The following COBL variants were observed in gnomAD, a reference collection of about 807,000 sequenced individuals.
COBL encodes protein cordon-bleu.
In COBL, 51 loss-of-function variants were observed where a neutral mutation model predicts 98.8. That is an observed-to-expected ratio of 0.52 (90% CI 0.41 to 0.65). COBL has a LOEUF of 0.65. Ranked by LOEUF, COBL falls within the 30% of genes least tolerant of loss-of-function variation. The probability of loss-of-function intolerance (pLI) is 0.00; values close to 1 mark genes in which losing one functional copy is unlikely to be tolerated. For missense variants in COBL, 1,617 were observed against 1,617.5 expected (o/e 1.00, Z 0.01); for synonymous variants, 634 against 651.7 (o/e 0.97, Z 0.41).
At chr7:51,047,841 C>T (rs1473348616) in intron 7 of COBL, among the ~76,000 whole-genome samples, 1 of 151,878 alleles carries the variant, frequency 6.6e-6, no homozygotes, top group Non-Finnish European at 1.5e-5. Context: ...TGCTTCTGAA[C>T]TAGTGATACA....
chr7:51,041,981 G>C (rs528856367), intron 8 of COBL, among the ~76,000 whole-genome samples: 1 of 152,258 alleles, frequency 6.6e-6, no homozygotes, highest in East Asian at 1.9e-4. Flanking sequence ...CACTGGAACA[G>C]AACAACGTGC....
intron 1 of COBL, among the ~76,000 whole-genome samples, chr7:51,247,972 C>A (rs1796397275): frequency 6.6e-6 from 1 of 152,048 alleles, no homozygotes; most frequent in Non-Finnish European, 1.5e-5. Context: ...ACCCCCGTCT[C>A]TACTAAACAT....
chr7:51,161,794 G>GA (rs1786845927), intron 5 of COBL, among the ~76,000 whole-genome samples: 1 of 152,092 alleles, frequency 6.6e-6, no homozygotes, highest in African/African-American at 2.4e-5. Context: ...AAGAAGCAGG[G>GA]CCCATAAAAG....
chr7:51,119,265 T>TATATATA (rs1797541648), intron 6 of COBL, among the ~76,000 whole-genome samples: 1 of 152,140 alleles, frequency 6.6e-6, no homozygotes, highest in South Asian at 2.1e-4. Context: ...ACCATATATA[T>TATATATA]CCTAGTGATA....
chr7:51,182,187 C>T (rs751802560), intron 5 of COBL, among the ~76,000 whole-genome samples: 13 of 151,940 alleles, frequency 8.6e-5, no homozygotes, highest in Non-Finnish European at 1.8e-4. Context: ...AGGGTGAACA[C>T]AGTCCCAGCC....
chr7:51,248,066 G>A (rs1003021224), intron 1 of COBL, among the ~76,000 whole-genome samples: 2 of 151,956 alleles, frequency 1.3e-5, no homozygotes, highest in African/African-American at 2.4e-5. Context: ...CTGAGTCAGG[G>A]AGGGGGAGGC....
In COBL at chr7:51,149,902, G is replaced by A. The variant is rs181972068; in HGVS notation, c.784-13571C>T. ...AGCCTCCGAAAGTGCTGGGATTACA[G>A]GCATGAGCCACTGCAACCAGCCCAG... On this transcript the variant is annotated intron_variant, in intron 5 of 12. Coordinates refer to ENST00000265136, the MANE Select transcript of COBL (RefSeq NM_015198.5). Among the ~76,000 whole-genome samples the A allele has an allele frequency of 3.9e-5, 6 of 152,314 alleles. No individual in the cohort carries two copies. The East Asian group carries it at 7.7e-4, about 20-fold the overall frequency.
chr7:51,156,365 C>T, intron 5 of COBL: 1 of 985,332 alleles, frequency 1.0e-6, no homozygotes, highest in Non-Finnish European at 1.2e-6. Context: ...AAGCTCAGAG[C>T]CAATACTTCC....
intron 2 of COBL, among the ~76,000 whole-genome samples, chr7:51,201,287 G>C (rs1791102141): frequency 6.6e-6 from 1 of 150,720 alleles, no homozygotes; most frequent in Non-Finnish European, 1.5e-5. Flanking sequence ...AGAAAGGAGA[G>C]CAGGGGTAGC....
At chr7:51,223,599 C>T (rs1034315569) in intron 1 of COBL, among the ~76,000 whole-genome samples, 2 of 152,188 alleles carry the variant, frequency 1.3e-5, no homozygotes, top group African/African-American at 2.4e-5. Context: ...CTCCAGTTTC[C>T]AGGAAACCAA....
intron 2 of COBL, among the ~76,000 whole-genome samples, chr7:51,195,185 C>T (rs976868093): frequency 4.6e-5 from 7 of 151,962 alleles, no homozygotes; most frequent in African/African-American, 1.2e-4. Flanking sequence ...CTTGAGTTAT[C>T]TTTTGTACAT....
intron 2 of COBL, among the ~76,000 whole-genome samples, chr7:51,195,605 C>T (rs1362624422): frequency 6.6e-6 from 1 of 152,118 alleles, no homozygotes; most frequent in African/African-American, 2.4e-5. Flanking sequence ...TTGCTTTGGG[C>T]AATATGGCCA....
chr7:51,232,979 T>A (rs986813874), intron 1 of COBL, among the ~76,000 whole-genome samples: 1 of 152,194 alleles, frequency 6.6e-6, no homozygotes, highest in Admixed American at 6.5e-5. Context: ...CGTAGATAAC[T>A]ATGCAAGTGA....
intron 1 of COBL, among the ~76,000 whole-genome samples, chr7:51,240,205 T>C (rs761716179): frequency 3.9e-5 from 6 of 152,230 alleles, no homozygotes; most frequent in Non-Finnish European, 7.3e-5. Context: ...TGAGAAAATC[T>C]TGACAATGCA....
At position 51,028,695 on chromosome 7, in the gene COBL, G is replaced by A; in HGVS notation, c.2401C>T (p.Gln801Ter). The A allele has an allele frequency of 6.2e-7, 1 of 1,613,540 alleles. No homozygotes were observed. The highest frequency in any genetic ancestry group is 8.5e-7 in the Non-Finnish European group (1 of 1,179,702). The change falls in exon 10 of 13, where the codon CAG becomes TAG. Residue 801 changes from glutamine to a stop codon, truncating the protein, a stop_gained. Transcript: ENST00000265136. LOFTEE classifies it high-confidence loss of function. ...GCTTGGAGTCTGCTCTCTGGATTCT[G>A]CGTCTGCGTGGGCACAGGGGTGGAG... The part of the protein sequence containing the change: ...PPSTPVPTQT[Q>*]NPESRLQADP...
At chr7:51,284,548 G>A (rs1185574825) in intron 1 of COBL, among the ~76,000 whole-genome samples, 2 of 151,036 alleles carry the variant, frequency 1.3e-5, no homozygotes, top group African/African-American at 2.4e-5. Flanking sequence ...TAGCTATAAG[G>A]CCAGGCATGG....
In COBL at chr7:51,155,034, A is replaced by G. The variant is rs1307083783; in HGVS notation, c.784-18703T>C. Among the ~76,000 whole-genome samples the G allele has an allele frequency of 2.0e-5, 3 of 152,214 alleles. No homozygotes were observed. In the East Asian group the frequency reaches 5.8e-4, roughly 29 times the overall value. Reference sequence around the variant, plus strand: ...AGAAATAATAGCAATAATATTAATAATAAATGACTCTGTCCTCATAGAGCT... The same window carrying G: ...AGAAATAATAGCAATAATATTAATAGTAAATGACTCTGTCCTCATAGAGCT... On this transcript the variant is annotated intron_variant, in intron 5 of 12. Coordinates refer to ENST00000265136, the MANE Select transcript of COBL (RefSeq NM_015198.5).
Position 51,269,159 on chromosome 7 carries a change from C to T in COBL, c.41+47434G>A, listed in dbSNP as rs189016467. On this transcript the variant is annotated intron_variant, in intron 1 of 12. Coordinates refer to ENST00000265136, the MANE Select transcript of COBL (RefSeq NM_015198.5). ...GAGTGCTTCTGTGTCCAAATTGCAGCCCCCCACCAAGCCTCAGAACTGCTG... is the reference window on the plus strand; with the variant it reads ...GAGTGCTTCTGTGTCCAAATTGCAGTCCCCCACCAAGCCTCAGAACTGCTG... Among the ~76,000 whole-genome samples the T allele has an allele frequency of 1.2e-3, 189 of 152,128 alleles. 1 individual carries two copies. Among genetic ancestry groups the T allele is most frequent in the South Asian group, 6.6e-3 (32 of 4,822 alleles).
chr7:51,228,322 G>C (rs529319360), intron 1 of COBL, among the ~76,000 whole-genome samples: 1 of 151,986 alleles, frequency 6.6e-6, no homozygotes, highest in East Asian at 1.9e-4. Context: ...GTATGGCACC[G>C]AGACACAGGT....
Sources: gnomAD v4.1 joint callset for allele counts (sites outside exome capture counted in the v4.1 genomes callset) on GRCh38, gnomAD v4.1.1 for gene constraint, MANE v1.5 for transcripts, NCBI Gene and HGNC (gene_info 2026-07-23, HGNC 2026-07-21) for gene names.